The following TTC13 variants were observed in gnomAD, a reference collection of about 807,000 sequenced individuals.
TTC13 encodes tetratricopeptide repeat protein 13.
Under a neutral mutation model 120.0 loss-of-function variants are expected in TTC13, and 62 were observed. The observed-to-expected ratio is 0.52, with a 90% CI of 0.42 to 0.64. The LOEUF (loss-of-function observed/expected upper bound fraction) is 0.64. TTC13 is among the 30% of genes least tolerant of loss of function. The probability of loss-of-function intolerance (pLI) is 0.00; values close to 1 mark genes in which losing one functional copy is unlikely to be tolerated. For synonymous variants in TTC13, 384 were observed against 393.5 expected (o/e 0.98, Z 0.28); for missense variants, 824 against 1,050.2 (o/e 0.78, Z 2.98).
At chr1:230,972,631 T>C (rs1677883293) in intron 1 of TTC13, among the ~76,000 whole-genome samples, 1 of 152,198 alleles carries the variant, frequency 6.6e-6, no homozygotes, top group Non-Finnish European at 1.5e-5. Context: ...GCCTTGACTT[T>C]CCTACAGTCA....
Position 230,943,830 on chromosome 1 carries a change from T to C in TTC13, c.648A>G (p.Pro216=), listed in dbSNP as rs112589863. Residue 216 remains proline (P), a synonymous_variant, in exon 6 of 23, where the codon CCA becomes CCG. Coordinates refer to ENST00000366661, the MANE Select transcript of TTC13 (RefSeq NM_024525.5). ...CTTCTGCTCGCTGCTCAAATACCTC[T>C]GGACGATCTGGTTCCAAGGTAATTA... ...SRVITLEPDR[P]EVFEQRAEIL... is the part of the protein sequence containing the mutation. 6.2e-7 allele frequency: 1 copy of C among 1,611,784 alleles called. No individual in the cohort carries two copies. The highest frequency in any genetic ancestry group is 8.5e-7 in the Non-Finnish European group (1 of 1,178,426).
intron 18 of TTC13, among the ~76,000 whole-genome samples, chr1:230,915,871 CT>C (rs1671967710): frequency 6.9e-6 from 1 of 145,064 alleles, no homozygotes; most frequent in Admixed American, 7.1e-5. Flanking sequence ...AACTGCTCAT[CT>C]TTTTTCATTT....
chr1:230,912,625 C>G lies in TTC13; in HGVS notation c.2227G>C (p.Gly743Arg). Residue 743 changes from glycine to arginine, a missense_variant and splice_region_variant, in exon 19 of 23, where the codon GGG (glycine) becomes CGG (arginine). Coordinates refer to ENST00000366661, the MANE Select transcript of TTC13 (RefSeq NM_024525.5). ...GKVLILSSEFGEADAVCNLIL... is the reference protein window; with the variant it reads ...GKVLILSSEFREADAVCNLIL... ...AATGGAAACAAAGAGAAACCTACCC[C>G]AAATTCTGATGAAAGAATCAATACT... 2 of 1,609,672 alleles carry G rather than the reference C, an allele frequency of 1.2e-6. No homozygotes were observed. Among genetic ancestry groups the G allele is most frequent in the Non-Finnish European group, 1.7e-6 (2 of 1,179,172 alleles).
chr1:230,958,360 A>G, intron 2 of TTC13, 61 bp from the exon 3 acceptor site: 4 of 1,538,834 alleles, frequency 2.6e-6, no homozygotes, highest in Non-Finnish European at 3.5e-6. Flanking sequence ...GAAAACTTGT[A>G]TTAAAATCTG....
chr1:230,932,902 C>A (rs570832457), intron 9 of TTC13, among the ~76,000 whole-genome samples: 5 of 152,180 alleles, frequency 3.3e-5, no homozygotes, highest in African/African-American at 1.2e-4. Flanking sequence ...ACCTGCAGAA[C>A]GACCAAGGCA....
chr1:230,931,313 C>T lies in TTC13; in HGVS notation c.1285G>A (p.Val429Ile). 1 of 1,613,736 alleles carries T rather than the reference C, an allele frequency of 6.2e-7. No homozygotes were observed. Among genetic ancestry groups the T allele is most frequent in the South Asian group, 1.1e-5 (1 of 90,984 alleles). ...TCTGACTTACCTCGGAGATACTTTA[C>T]TTTAAGATACTCAGGGCTAGCCTTC... ...GQKASPEYLK[V>I]KYLREYSRYL... is the part of the protein sequence containing the mutation. The change falls in exon 11 of 23, where the codon GTA (valine) becomes ATA (isoleucine). Residue 429 changes from valine to isoleucine, a missense_variant. Val to Ile is a conservative substitution (Grantham distance 29). Transcript: ENST00000366661.
At chr1:230,910,829 A>G (rs1671429716) in intron 20 of TTC13, among the ~76,000 whole-genome samples, 1 of 152,276 alleles carries the variant, frequency 6.6e-6, no homozygotes, top group Non-Finnish European at 1.5e-5. Flanking sequence ...TTTCTAAGCC[A>G]TTAATCAAAG....
At chr1:230,963,110 T>G (rs1676797295) in intron 1 of TTC13, among the ~76,000 whole-genome samples, 1 of 152,172 alleles carries the variant, frequency 6.6e-6, no homozygotes, top group Non-Finnish European at 1.5e-5. Flanking sequence ...ATGTTCTAAT[T>G]CAGCAGTCAT....
rs112411411 is a variant in TTC13 at position 230,936,377 on chromosome 1, T to G, written c.901-2516A>C. Reference sequence around the variant, plus strand: ...TGAACTGGCTCTGAATTAATTTGCTTGGCAAATGCCATCCCACCATTTTCA... The same window carrying G: ...TGAACTGGCTCTGAATTAATTTGCTGGGCAAATGCCATCCCACCATTTTCA... On this transcript the variant is annotated intron_variant, in intron 8 of 22. Transcript: ENST00000366661. The G allele has an allele frequency of 1.4e-4, 55 of 386,140 alleles. 1 individual carries two copies. The highest frequency in any genetic ancestry group is 1.1e-3 in the African/African-American group (52 of 47,640). 23.9% of individuals were successfully genotyped at this position (386,140 alleles called of 1,614,324 possible).
chr1:230,945,572 C>T (rs545396554), intron 4 of TTC13, 118 bp from the exon 5 acceptor site: 4 of 882,796 alleles, frequency 4.5e-6, no homozygotes, highest in Non-Finnish European at 7.6e-6. Context: ...TATGCTACGA[C>T]CACTCGTAAG....
rs79511926 is a variant in TTC13 at position 230,971,869 on chromosome 1, G to C, written c.271+6691C>G. On this transcript the variant is annotated intron_variant, in intron 1 of 22. Transcript: ENST00000366661. ...TTACTTAGCATAAGGTTATAAACTA[G>C]ATTGAAGATGCATCAGATGCTCAAA... Among the ~76,000 whole-genome samples the C allele has an allele frequency of 4.0e-3, 604 of 152,318 alleles. 3 individuals are homozygous for C. Among genetic ancestry groups the C allele is most frequent in the African/African-American group, 0.014 (565 of 41,552 alleles).
At position 230,978,500 on chromosome 1, in the gene TTC13, A is replaced by C. The variant is rs902028182; in HGVS notation, c.271+60T>G. 4.2e-6 allele frequency: 2 copies of C among 474,190 alleles called. No homozygotes were observed. The highest frequency in any genetic ancestry group is 6.6e-6 in the Non-Finnish European group (2 of 304,938). The allele number at this position is 474,190 out of a possible 1,614,324, so 29.4% of individuals were successfully genotyped here. ...CGGGCGACCCGTACCCCGGCCCGGG[A>C]CCCCAGCCCCGCTGCCCCGCCGCCC... On this transcript the variant is annotated intron_variant, in intron 1 of 22. Transcript: ENST00000366661. The surrounding 1 kb of genome is among the most constrained non-coding windows in gnomAD (Gnocchi z 5.6).
In TTC13 at chr1:230,944,873, T is replaced by C. The variant is rs148741713; in HGVS notation, c.579+516A>G. Among the ~76,000 whole-genome samples, 1 of 152,300 alleles carries C rather than the reference T, an allele frequency of 6.6e-6. No individual in the cohort carries two copies. The highest frequency in any genetic ancestry group is 1.5e-5 in the Non-Finnish European group (1 of 68,010). On this transcript the variant is annotated intron_variant, in intron 5 of 22. Coordinates refer to ENST00000366661, the MANE Select transcript of TTC13 (RefSeq NM_024525.5). This position sits in a 1 kb window ranked among gnomAD's most constrained non-coding sequence, Gnocchi z 4.0. The stretch of plus-strand genomic sequence containing the variant: ...ATAATTTCAGGAGTCTTCATTTTTA[T>C]ACCATAGTACCTTTGTTTGTGTAAA...
intron 1 of TTC13, among the ~76,000 whole-genome samples, chr1:230,971,853 A>G (rs1275745694): frequency 6.6e-6 from 1 of 152,244 alleles, no homozygotes; most frequent in Admixed American, 6.5e-5. Flanking sequence ...GTTACTTAGC[A>G]TAAGGTTATA....
chr1:230,925,650 G>A lies in TTC13; in HGVS notation c.1458-3C>T. The A allele has an allele frequency of 6.2e-7, 1 of 1,613,706 alleles. No individual in the cohort carries two copies. The highest frequency in any genetic ancestry group is 8.5e-7 in the Non-Finnish European group (1 of 1,179,758). On this transcript the variant is annotated splice_polypyrimidine_tract_variant and splice_region_variant and intron_variant, in intron 12 of 22. Transcript: ENST00000366661. ...CAAAATTCTGATGTAACACATCTCT[G>A]GAAGAAACATCATGTACATGATAAG...
At chr1:230,923,381 T>G (rs1341686398) in intron 15 of TTC13, among the ~76,000 whole-genome samples, 1 of 152,208 alleles carries the variant, frequency 6.6e-6, no homozygotes, top group Admixed American at 6.5e-5. Flanking sequence ...AGTTACCAGA[T>G]AGTGTTATTT....
intron 1 of TTC13, among the ~76,000 whole-genome samples, chr1:230,968,082 C>A (rs887067538): frequency 6.6e-6 from 1 of 151,952 alleles, no homozygotes; most frequent in African/African-American, 2.4e-5. Context: ...TCATTCACAA[C>A]TGACACTTGC....
intron 18 of TTC13, among the ~76,000 whole-genome samples, chr1:230,915,163 T>C (rs1204165041): frequency 1.3e-5 from 2 of 152,218 alleles, no homozygotes; most frequent in African/African-American, 4.8e-5. Flanking sequence ...CATGAAGGCC[T>C]GTTTAAGTTT....
At chr1:230,959,823 A>G (rs958799932) in intron 2 of TTC13, among the ~76,000 whole-genome samples, 16 of 152,234 alleles carry the variant, frequency 1.1e-4, no homozygotes, top group African/African-American at 3.9e-4. Flanking sequence ...GACTAATTTC[A>G]ATCCAACTTT....
Sources: gnomAD v4.1 joint callset for allele counts (sites outside exome capture counted in the v4.1 genomes callset) on GRCh38, gnomAD v4.1.1 for gene constraint, Gnocchi (gnomAD v3.1) non-coding constraint, MANE v1.5 for transcripts, NCBI Gene and HGNC (gene_info 2026-07-23, HGNC 2026-07-21) for gene names.